The following EHMT1 variants were observed in gnomAD, a reference collection of about 807,000 sequenced individuals.
The protein encoded by EHMT1 is histone-lysine N-methyltransferase EHMT1.
In EHMT1, 15 loss-of-function variants were observed where a neutral mutation model predicts 147.2. That is an observed-to-expected ratio of 0.10 (90% confidence interval 0.07 to 0.16). The LOEUF (loss-of-function observed/expected upper bound fraction) is 0.16, where lower values mean the gene tolerates loss of function less well. Ranked by LOEUF, EHMT1 falls within the 10% of genes least tolerant of loss-of-function variation. The probability of loss-of-function intolerance (pLI) is 1.00; values close to 1 mark genes in which losing one functional copy is unlikely to be tolerated. For synonymous variants in EHMT1, 795 were observed against 709.6 expected (o/e 1.12, Z -1.91); for missense variants, 1,587 against 1,772.4 (o/e 0.90, Z 1.88).
chr9:137,725,074 GCATT>G (rs986366287), intron 3 of EHMT1, among the ~76,000 whole-genome samples: 5 of 144,324 alleles, frequency 3.5e-5, no homozygotes, highest in African/African-American at 1.3e-4. Context: ...CATTTGTGTG[GCATT>G]CATGGGCAGG....
rs1217811919 is a variant in EHMT1, at chr9:137,719,664, T to G, written c.642+2482T>G. On this transcript the variant is annotated intron_variant, in intron 3 of 26. Coordinates refer to ENST00000460843, the MANE Select transcript of EHMT1 (RefSeq NM_024757.5). ...CTTCAGTGGTGATGTCTTTGATAAC[T>G]AGAGGACAATGTCAGACCCAGGATG... Among the ~76,000 whole-genome samples the G allele has an allele frequency of 2.6e-5, 4 of 152,190 alleles. No individual in the cohort carries two copies. The East Asian group carries it at 7.7e-4, about 29-fold the overall frequency.
intron 9 of EHMT1, among the ~76,000 whole-genome samples, chr9:137,761,127 C>T (rs11137204): frequency 0.28 from 42,807 of 152,062 alleles, 6,537 homozygotes; most frequent in Admixed American, 0.41. Flanking sequence ...TGAGGAAACA[C>T]GAGGGGAAGG....
At chr9:137,794,775 G>A (rs1952773725) in intron 16 of EHMT1, among the ~76,000 whole-genome samples, 1 of 151,928 alleles carries the variant, frequency 6.6e-6, no homozygotes, top group Non-Finnish European at 1.5e-5. Flanking sequence ...AAGAAGCAAA[G>A]CCAAAAAAAT....
At chr9:137,779,812 C>T in intron 14 of EHMT1, 95 bp downstream of exon 14, 6 of 1,407,046 alleles carry the variant, frequency 4.3e-6, no homozygotes, top group Non-Finnish European at 5.9e-6. Context: ...GGAGGCTGGT[C>T]TCGTTTTGGT....
At chr9:137,758,343 A>T (rs1442586117) in intron 9 of EHMT1, among the ~76,000 whole-genome samples, 1 of 152,222 alleles carries the variant, frequency 6.6e-6, no homozygotes, top group East Asian at 1.9e-4. Flanking sequence ...CTCAGGACAC[A>T]CGGGGACGTA....
At chr9:137,633,484 T>C (rs530452713) in intron 1 of EHMT1, among the ~76,000 whole-genome samples, 1 of 152,342 alleles carries the variant, frequency 6.6e-6, no homozygotes, top group South Asian at 2.1e-4. Flanking sequence ...GTTTCATCTT[T>C]GAAAATGTCT....
At chr9:137,635,784 C>A (rs572307328) in intron 1 of EHMT1, among the ~76,000 whole-genome samples, 2 of 151,496 alleles carry the variant, frequency 1.3e-5, no homozygotes, top group African/African-American at 4.8e-5. Flanking sequence ...GGTGCCACTG[C>A]TCTCCAGCCT....
chr9:137,799,625 C>T (rs1953278416), intron 17 of EHMT1, among the ~76,000 whole-genome samples: 2 of 152,216 alleles, frequency 1.3e-5, no homozygotes, highest in Non-Finnish European at 2.9e-5. Context: ...TGCATGGACC[C>T]ACAGCTCTGG....
chr9:137,660,342 A>T (rs541179521), intron 1 of EHMT1, among the ~76,000 whole-genome samples: 33 of 151,768 alleles, frequency 2.2e-4, no homozygotes, highest in South Asian at 4.2e-4. Flanking sequence ...TCTCAAAAAA[A>T]TTTTTTCCTC....
chr9:137,643,763 G>A (rs538453023), intron 1 of EHMT1, among the ~76,000 whole-genome samples: 7 of 152,216 alleles, frequency 4.6e-5, no homozygotes, highest in South Asian at 2.1e-4. Flanking sequence ...CTCCTCTGTC[G>A]CTGCTTTTGA....
At chr9:137,831,162 T>C (rs962216006) in intron 25 of EHMT1, among the ~76,000 whole-genome samples, 9 of 152,168 alleles carry the variant, frequency 5.9e-5, no homozygotes, top group African/African-American at 2.2e-4. Context: ...ACCCTAACCT[T>C]GGGGTCTCAG....
intron 1 of EHMT1, among the ~76,000 whole-genome samples, chr9:137,689,698 G>A (rs1011057028): frequency 2.0e-5 from 3 of 152,248 alleles, no homozygotes; most frequent in Non-Finnish European, 2.9e-5. Context: ...GCAAGACTCC[G>A]TCTCAAAAGA....
intron 25 of EHMT1, among the ~76,000 whole-genome samples, chr9:137,822,620 C>T (rs745475552): frequency 1.3e-4 from 20 of 152,038 alleles, no homozygotes; most frequent in Admixed American, 2.6e-4. Flanking sequence ...TTGGGCCGGG[C>T]GCAGTGGCTC....
At chr9:137,771,897 A>T (rs1315901251) in intron 10 of EHMT1, among the ~76,000 whole-genome samples, 1 of 152,116 alleles carries the variant, frequency 6.6e-6, no homozygotes, top group Non-Finnish European at 1.5e-5. Context: ...CGGGGCCCAC[A>T]GTGGAGCCCA....
Position 137,716,983 on chromosome 9 carries a change from C to A in EHMT1, c.443C>A (p.Pro148His). ...ACCAGCACTCTGGCCTCTTCGCTGC[C>A]TGGCCATGCTGCAAAAACCCTTCCT... is the stretch of plus-strand genomic sequence containing the variant. Reference protein sequence around the residue: ...RTTSTLASSLPGHAAKTLPGG... With the variant: ...RTTSTLASSLHGHAAKTLPGG... The change falls in exon 3 of 27, where the codon CCT becomes CAT. Residue 148 changes from proline (P) to histidine (H), a missense_variant. Transcript: ENST00000460843. 1 of 1,609,778 alleles carries A rather than the reference C, an allele frequency of 6.2e-7. No homozygotes were observed. The highest frequency in any genetic ancestry group is 8.5e-7 in the Non-Finnish European group (1 of 1,177,288).
chr9:137,800,774 G>A (rs1455905151), intron 17 of EHMT1, 106 bp from the exon 18 acceptor site: 5 of 936,036 alleles, frequency 5.3e-6, no homozygotes, highest in Non-Finnish European at 8.5e-6. Flanking sequence ...GCCTGCACGA[G>A]GGGCATGGTA....
chr9:137,642,931 G>C (rs1216279622), intron 1 of EHMT1, among the ~76,000 whole-genome samples: 1 of 152,188 alleles, frequency 6.6e-6, no homozygotes, highest in Non-Finnish European at 1.5e-5. Context: ...ACCCAGGTGG[G>C]AGTACAGTGG....
At chr9:137,781,004 G>GGCATCA (rs1951424433) in intron 14 of EHMT1, among the ~76,000 whole-genome samples, 1 of 144,512 alleles carries the variant, frequency 6.9e-6, no homozygotes. Context: ...TGGTGATGAC[G>GGCATCA]CCGGGATGTG....
At position 137,744,070 on chromosome 9, in the gene EHMT1, G is replaced by A. The variant is rs747029874; in HGVS notation, c.1150G>A (p.Glu384Lys). 6.2e-7 allele frequency: 1 copy of A among 1,614,132 alleles called. No individual in the cohort carries two copies. Among genetic ancestry groups the A allele is most frequent in the African/African-American group, 1.3e-5 (1 of 75,066 alleles). ...CAGGACTTCCAAGGAGAGCATGTCG[G>A]AGGCTGATCGCGCCCAGAAGGTATG... The part of the protein sequence containing the change: ...DSRTSKESMS[E>K]ADRAQKMDGE... The change falls in exon 6 of 27, where the codon GAG becomes AAG. Residue 384 changes from glutamate (E) to lysine (K), a missense_variant. Physicochemically the swap from Glu to Lys is moderately conservative, Grantham distance 56. Transcript: ENST00000460843.
Sources: allele counts gnomAD v4.1 joint callset (sites outside exome capture counted in the v4.1 genomes callset), GRCh38; gene constraint gnomAD v4.1.1; transcripts MANE v1.5; gene names NCBI Gene and HGNC (gene_info 2026-07-23, HGNC 2026-07-21).